Variants in BACH2 observed in about 807,000 individuals in gnomAD.
The protein encoded by BACH2 is transcription regulator protein BACH2.
BACH2 carries 5 observed loss-of-function variants against 61.8 expected under a neutral mutation model. That is an observed-to-expected ratio of 0.08 (90% CI 0.04 to 0.17). The LOEUF is 0.17. BACH2 is among the 10% of genes least tolerant of loss of function. BACH2 has a pLI of 1.00. For synonymous variants in BACH2, 446 were observed against 440.1 expected (o/e 1.01, Z -0.17); for missense variants, 824 against 1,091.1 (o/e 0.76, Z 3.45).
intron 4 of BACH2, among the ~76,000 whole-genome samples, chr6:90,157,029 G>A (rs956264943): frequency 5.3e-5 from 8 of 152,182 alleles, no homozygotes; most frequent in East Asian, 1.9e-4. Flanking sequence ...TGTCAAACCT[G>A]CCGCACTCTT....
intron 6 of BACH2, among the ~76,000 whole-genome samples, chr6:89,984,591 C>T (rs1776136996): frequency 6.6e-6 from 1 of 152,054 alleles, no homozygotes; most frequent in African/African-American, 2.4e-5. Flanking sequence ...AAGCCTATTC[C>T]TATATTCTAT....
At chr6:90,092,382 A>T (rs7770302) in intron 4 of BACH2, among the ~76,000 whole-genome samples, 45,135 of 147,716 alleles carry the variant, frequency 0.31, 7,776 homozygotes, top group East Asian at 0.8. Context: ...CTAAATCCTG[A>T]ACTGCAAAAC....
chr6:90,279,494 G>A (rs529140192), intron 1 of BACH2, among the ~76,000 whole-genome samples: 1 of 144,788 alleles, frequency 6.9e-6, no homozygotes, highest in African/African-American at 2.6e-5. Flanking sequence ...CTGCACTCCA[G>A]CCTGGGCGAC....
At chr6:89,959,097 GCACACACACACACACACA>G (rs60175244) in intron 6 of BACH2, among the ~76,000 whole-genome samples, 4,579 of 134,470 alleles carry the variant, frequency 0.034, 232 homozygotes, top group African/African-American at 0.12. Context: ...ATGCACAAGT[GCACACACACACACACACA>G]CACACACACA....
intron 4 of BACH2, among the ~76,000 whole-genome samples, chr6:90,158,719 G>A (rs1449288289): frequency 6.9e-6 from 1 of 145,572 alleles, no homozygotes; most frequent in African/African-American, 2.6e-5. Flanking sequence ...GGGAGGTAAC[G>A]ATATGGAGAT....
intron 3 of BACH2, among the ~76,000 whole-genome samples, chr6:90,237,958 G>A (rs1220283448): frequency 6.6e-6 from 1 of 152,214 alleles, no homozygotes; most frequent in Non-Finnish European, 1.5e-5. Flanking sequence ...GGTCATTCTA[G>A]AAATCAATGT....
intron 5 of BACH2, among the ~76,000 whole-genome samples, chr6:90,016,466 A>G (rs1184609946): frequency 6.6e-6 from 1 of 152,186 alleles, no homozygotes; most frequent in South Asian, 2.1e-4. Flanking sequence ...AGTTATCACA[A>G]TCTGCCTTCC....
intron 6 of BACH2, among the ~76,000 whole-genome samples, chr6:89,996,901 A>C (rs1247059175): frequency 6.6e-6 from 1 of 152,146 alleles, no homozygotes; most frequent in African/African-American, 2.4e-5. Context: ...AATCCCCCAA[A>C]GAAATGACCT....
intron 7 of BACH2, among the ~76,000 whole-genome samples, chr6:89,945,184 C>A (rs1295297284): frequency 6.6e-6 from 1 of 152,164 alleles, no homozygotes; most frequent in Non-Finnish European, 1.5e-5. Context: ...ATGGAAATAA[C>A]TGAAAACATG....
At chr6:89,985,529 G>A (rs1268063159) in intron 6 of BACH2, among the ~76,000 whole-genome samples, 1 of 152,120 alleles carries the variant, frequency 6.6e-6, no homozygotes, top group Non-Finnish European at 1.5e-5. Flanking sequence ...CCTGGGTCAT[G>A]TCCCTGAGAG....
At chr6:90,134,982 T>C (rs1784222687) in intron 4 of BACH2, among the ~76,000 whole-genome samples, 1 of 152,152 alleles carries the variant, frequency 6.6e-6, no homozygotes, top group Non-Finnish European at 1.5e-5. Flanking sequence ...GATCCAGCCT[T>C]AGCAGTGGCC....
intron 4 of BACH2, among the ~76,000 whole-genome samples, chr6:90,132,820 T>C (rs1784122215): frequency 6.6e-6 from 1 of 152,172 alleles, no homozygotes; most frequent in South Asian, 2.1e-4. Flanking sequence ...CTATTTCCCC[T>C]TTCTGCCTGG....
intron 1 of BACH2, among the ~76,000 whole-genome samples, chr6:90,274,743 C>G (rs1489414960): frequency 6.6e-6 from 1 of 152,204 alleles, no homozygotes; most frequent in Admixed American, 6.5e-5. Flanking sequence ...GATGAGTAAC[C>G]TGTGTTATTT....
intron 2 of BACH2, among the ~76,000 whole-genome samples, chr6:90,264,247 G>C (rs1306483896): frequency 6.6e-6 from 1 of 152,072 alleles, no homozygotes; most frequent in East Asian, 1.9e-4. Flanking sequence ...TTGTGGTTAC[G>C]TAGGAAAATG....
rs367983479 is a variant in BACH2, at chr6:90,291,613, C to CA, written c.-446+4866dup. On this transcript the variant is annotated intron_variant, in intron 1 of 8. Coordinates refer to ENST00000257749, the MANE Select transcript of BACH2 (RefSeq NM_021813.4). ...TTTTTAAATTAAATGTCATCACAAA[C>CA]AAAAAAAAAAAGGTGAAAGTTGAGT... 4.1e-3 allele frequency among the ~76,000 whole-genome samples: 470 copies of CA among 115,922 alleles called. 2 individuals carry two copies. Among genetic ancestry groups the CA allele is most frequent in the Middle Eastern group, 0.023 (5 of 220 alleles). 76.0% of individuals were successfully genotyped at this position (115,922 alleles called of 152,430 possible).
chr6:90,142,329 T>C (rs1288022694), intron 4 of BACH2, among the ~76,000 whole-genome samples: 1 of 152,164 alleles, frequency 6.6e-6, no homozygotes, highest in Non-Finnish European at 1.5e-5. Flanking sequence ...GTGTTGTTCT[T>C]AAAAGTGCTC....
At chr6:90,029,501 C>T (rs1778836209) in intron 5 of BACH2, among the ~76,000 whole-genome samples, 1 of 152,150 alleles carries the variant, frequency 6.6e-6, no homozygotes, top group Non-Finnish European at 1.5e-5. Flanking sequence ...TCCTCCCTCC[C>T]TGTTTATGTT....
intron 4 of BACH2, among the ~76,000 whole-genome samples, chr6:90,089,340 T>C (rs919346468): frequency 8.6e-5 from 13 of 151,982 alleles, no homozygotes; most frequent in Non-Finnish European, 1.8e-4. Context: ...CCTTGAGGTA[T>C]CTCCTTTAGG....
chr6:89,967,518 C>T (rs1019989760), intron 6 of BACH2, among the ~76,000 whole-genome samples: 2 of 152,152 alleles, frequency 1.3e-5, no homozygotes, highest in African/African-American at 4.8e-5. Context: ...AGTTTCCTTG[C>T]ACTATTATAG....
Sources: gnomAD v4.1 joint callset for allele counts (sites outside exome capture counted in the v4.1 genomes callset) on GRCh38, gnomAD v4.1.1 for gene constraint, MANE v1.5 for transcripts, NCBI Gene and HGNC (gene_info 2026-07-23, HGNC 2026-07-21) for gene names.